ERC2: variants seen among roughly 807,000 people sequenced by gnomAD.
ERC2 encodes ERC protein 2.
A neutral mutation model predicts 114.8 loss-of-function variants in ERC2; 42 were observed. That is an observed-to-expected ratio of 0.37 (90% CI 0.29 to 0.47). The LOEUF is 0.47. Ranked by LOEUF, ERC2 falls within the 20% of genes least tolerant of loss-of-function variation. ERC2 has a pLI of 0.99. For missense variants in ERC2, 939 were observed against 1,150.7 expected (o/e 0.82, Z 2.66); for synonymous variants, 454 against 425.5 (o/e 1.07, Z -0.82).
chr3:56,383,143 C>T (rs2059813656), intron 2 of ERC2, among the ~76,000 whole-genome samples: 1 of 152,086 alleles, frequency 6.6e-6, no homozygotes, highest in Non-Finnish European at 1.5e-5. Context: ...TGCAAGTCAC[C>T]AACCTCCTTC....
At chr3:55,661,634 G>A (rs531108420) in intron 17 of ERC2, among the ~76,000 whole-genome samples, 30 of 152,232 alleles carry the variant, frequency 2.0e-4, no homozygotes, top group African/African-American at 3.1e-4. Flanking sequence ...AAGTCCCTTC[G>A]TCCAGTACCT....
chr3:55,666,730 G>A (rs1477014817), intron 17 of ERC2, among the ~76,000 whole-genome samples: 1 of 152,046 alleles, frequency 6.6e-6, no homozygotes, highest in Non-Finnish European at 1.5e-5. Context: ...GCAAGACAAA[G>A]AAGTATCCAG....
intron 17 of ERC2, among the ~76,000 whole-genome samples, chr3:55,603,671 C>T (rs1371331601): frequency 6.7e-6 from 1 of 149,526 alleles, no homozygotes; most frequent in Non-Finnish European, 1.5e-5. Context: ...AAGCCCTTTG[C>T]CTCAAATCCA....
intron 3 of ERC2, among the ~76,000 whole-genome samples, chr3:56,249,058 TG>T (rs1358030587): frequency 3.3e-5 from 5 of 152,200 alleles, no homozygotes; most frequent in African/African-American, 1.2e-4. Context: ...CATGGCCAAA[TG>T]TATTTGAACA....
intron 3 of ERC2, among the ~76,000 whole-genome samples, chr3:56,269,387 C>T (rs2053516797): frequency 6.6e-6 from 1 of 152,202 alleles, no homozygotes; most frequent in African/African-American, 2.4e-5. Flanking sequence ...CCAAATTCAA[C>T]ACACTAAGAC....
At chr3:55,666,922 G>T (rs1300511448) in intron 17 of ERC2, among the ~76,000 whole-genome samples, 2 of 56,078 alleles carry the variant, frequency 3.6e-5, no homozygotes, top group Admixed American at 4.4e-4. Flanking sequence ...AATAGCACAC[G>T]CCTATTAATA....
chr3:56,232,961 A>G (rs1475370140), intron 3 of ERC2, among the ~76,000 whole-genome samples: 1 of 151,498 alleles, frequency 6.6e-6, no homozygotes, highest in Non-Finnish European at 1.5e-5. Context: ...CCTCGAAAAA[A>G]CCCTCCTGAA....
intron 7 of ERC2, among the ~76,000 whole-genome samples, chr3:56,045,128 G>C (rs935143206): frequency 1.1e-4 from 16 of 152,136 alleles, no homozygotes; most frequent in Non-Finnish European, 2.2e-4. Flanking sequence ...CTAAGAGTAT[G>C]TTAGAATTCT....
At chr3:55,572,925 G>C (rs1358380636) in intron 17 of ERC2, among the ~76,000 whole-genome samples, 2 of 152,154 alleles carry the variant, frequency 1.3e-5, no homozygotes, top group Non-Finnish European at 2.9e-5. Context: ...AAGTACTGCA[G>C]GTCTTCCTCC....
intron 2 of ERC2, among the ~76,000 whole-genome samples, chr3:56,420,177 C>CTTTTTTTTTTTTTTTTTT (rs34883402): frequency 1.4e-5 from 1 of 72,292 alleles, no homozygotes; most frequent in Non-Finnish European, 2.5e-5. Context: ...AGTGGTTATA[C>CTTTTTTTTTTTTTTTTTT]TTTTTTTTTT....
chr3:55,625,343 G>C (rs1415708964), intron 17 of ERC2, among the ~76,000 whole-genome samples: 1 of 149,484 alleles, frequency 6.7e-6, no homozygotes, highest in East Asian at 2.0e-4. Flanking sequence ...CTCAAGTATG[G>C]GTGGCACAGT....
intron 6 of ERC2, 23 bp from the exon 7 acceptor site, chr3:56,081,007 A>C (rs754337203): frequency 3.7e-6 from 6 of 1,608,254 alleles, no homozygotes; most frequent in Non-Finnish European, 5.1e-6. Flanking sequence ...AAAAGACAGA[A>C]GGTTGTGGTT....
At chr3:55,684,169 T>G (rs572965230) in intron 16 of ERC2, among the ~76,000 whole-genome samples, 1 of 152,336 alleles carries the variant, frequency 6.6e-6, no homozygotes, top group South Asian at 2.1e-4. Context: ...GATTATTTTT[T>G]TGGAAAGCAT....
chr3:56,146,688 C>G (rs1044692287), intron 5 of ERC2, among the ~76,000 whole-genome samples: 1 of 152,146 alleles, frequency 6.6e-6, no homozygotes, highest in Non-Finnish European at 1.5e-5. Flanking sequence ...AAGGTTGGTG[C>G]TGTCGCCCCT....
At chr3:55,979,951 T>C (rs2149500345) in intron 12 of ERC2, among the ~76,000 whole-genome samples, 2 of 148,948 alleles carry the variant, frequency 1.3e-5, no homozygotes, top group East Asian at 3.9e-4. Context: ...TCTTCTTCTT[T>C]TTTTTTCTTT....
At chr3:55,628,070 C>A (rs1370185844) in intron 17 of ERC2, among the ~76,000 whole-genome samples, 1 of 151,450 alleles carries the variant, frequency 6.6e-6, no homozygotes. Flanking sequence ...CTCATAATAT[C>A]TTTTATTGTA....
At chr3:55,760,973 G>A (rs1019568178) in intron 14 of ERC2, among the ~76,000 whole-genome samples, 1 of 152,136 alleles carries the variant, frequency 6.6e-6, no homozygotes, top group African/African-American at 2.4e-5. Context: ...GTGGGCCCAG[G>A]GTAGATTGGG....
At chr3:56,071,491 G>C (rs933414412) in intron 7 of ERC2, among the ~76,000 whole-genome samples, 6 of 152,270 alleles carry the variant, frequency 3.9e-5, no homozygotes, top group Non-Finnish European at 8.8e-5. Context: ...GACTGTCCAG[G>C]CTTCATCAGC....
At chr3:56,053,652 T>C (rs2075871824) in intron 7 of ERC2, among the ~76,000 whole-genome samples, 1 of 152,198 alleles carries the variant, frequency 6.6e-6, no homozygotes. Context: ...GAACCTCAGC[T>C]TCCTTATCTA....
Sources: allele counts gnomAD v4.1 joint callset (sites outside exome capture counted in the v4.1 genomes callset), GRCh38; gene constraint gnomAD v4.1.1; transcripts MANE v1.5; gene names NCBI Gene and HGNC (gene_info 2026-07-23, HGNC 2026-07-21).